The following DCC variants were observed in gnomAD, a reference collection of about 807,000 sequenced individuals.
DCC encodes the protein DCC netrin 1 receptor, also known as netrin receptor DCC.
A neutral mutation model predicts 172.5 loss-of-function variants in DCC; 58 were observed. The observed-to-expected ratio is 0.34, with a 90% CI of 0.27 to 0.42. DCC has a LOEUF of 0.42. Ranked by LOEUF, DCC falls within the 10% of genes least tolerant of loss-of-function variation. The probability of loss-of-function intolerance (pLI) is 1.00; values close to 1 mark genes in which losing one functional copy is unlikely to be tolerated. For missense variants in DCC, 1,740 were observed against 1,791.0 expected, an observed-to-expected ratio of 0.97 and a Z score of 0.51; for synonymous variants, 709 against 644.5, an observed-to-expected ratio of 1.10 and a Z score of -1.52.
At chr18:53,355,349 A>G (rs1599058415) in intron 15 of DCC, among the ~76,000 whole-genome samples, 1 of 152,098 alleles carries the variant, frequency 6.6e-6, no homozygotes, top group Admixed American at 6.5e-5. Flanking sequence ...CATTGAATCT[A>G]TAAATTACCT....
intron 12 of DCC, among the ~76,000 whole-genome samples, chr18:53,240,109 T>C (rs1177112096): frequency 6.6e-6 from 1 of 151,556 alleles, no homozygotes; most frequent in Non-Finnish European, 1.5e-5. Context: ...ATGCCTCTAC[T>C]GTTTTCCAGA....
chr18:52,643,277 C>T (rs2034947609), intron 1 of DCC, among the ~76,000 whole-genome samples: 1 of 147,156 alleles, frequency 6.8e-6, no homozygotes, highest in Non-Finnish European at 1.5e-5. Flanking sequence ...AGCTGTTGAC[C>T]TAGTTTCCAC....
chr18:53,413,238 G>A (rs1244218833), intron 20 of DCC, among the ~76,000 whole-genome samples: 1 of 152,138 alleles, frequency 6.6e-6, no homozygotes, highest in Non-Finnish European at 1.5e-5. Flanking sequence ...GCCCAATAGA[G>A]TACAGTAAAT....
At chr18:52,820,213 T>C (rs981788191) in intron 2 of DCC, among the ~76,000 whole-genome samples, 1 of 152,158 alleles carries the variant, frequency 6.6e-6, no homozygotes, top group African/African-American at 2.4e-5. Flanking sequence ...ACCAAGTATT[T>C]GTGGTGATTG....
At chr18:53,319,861 A>G (rs2057387620) in intron 13 of DCC, among the ~76,000 whole-genome samples, 1 of 90,768 alleles carries the variant, frequency 1.1e-5, no homozygotes, top group Admixed American at 9.0e-5. Context: ...TCAACTACAT[A>G]TGGACTTATT....
At chr18:52,528,781 T>C (rs2032057696) in intron 1 of DCC, among the ~76,000 whole-genome samples, 1 of 152,170 alleles carries the variant, frequency 6.6e-6, no homozygotes, top group Non-Finnish European at 1.5e-5. Context: ...TCATGGACTC[T>C]GCTTACTGCA....
At chr18:52,679,658 T>C (rs1448907452) in intron 1 of DCC, among the ~76,000 whole-genome samples, 1 of 152,166 alleles carries the variant, frequency 6.6e-6, no homozygotes, top group Non-Finnish European at 1.5e-5. Context: ...TATTATTGCA[T>C]GACAAAGTAC....
chr18:53,048,678 T>C (rs2042293552), intron 5 of DCC, among the ~76,000 whole-genome samples: 1 of 151,224 alleles, frequency 6.6e-6, no homozygotes, highest in African/African-American at 2.4e-5. Context: ...ATATATGATA[T>C]ATATATATAC....
intron 8 of DCC, among the ~76,000 whole-genome samples, chr18:53,159,669 A>G (rs918227317): frequency 4.6e-5 from 7 of 152,178 alleles, no homozygotes; most frequent in Non-Finnish European, 1.0e-4. Context: ...ATATCTGTCT[A>G]TCTGTATGCA....
chr18:52,639,316 C>T (rs1598977570), intron 1 of DCC, among the ~76,000 whole-genome samples: 1 of 151,908 alleles, frequency 6.6e-6, no homozygotes, highest in African/African-American at 2.4e-5. Flanking sequence ...AAGATCAGAG[C>T]AGATTTAAAT....
At chr18:52,355,819 G>A (rs1326847603) in intron 1 of DCC, among the ~76,000 whole-genome samples, 1 of 152,144 alleles carries the variant, frequency 6.6e-6, no homozygotes, top group African/African-American at 2.4e-5. Context: ...AGTTAGAGGA[G>A]AGAAACAGAA....
intron 12 of DCC, among the ~76,000 whole-genome samples, chr18:53,239,710 C>A (rs977621660): frequency 2.0e-5 from 3 of 151,966 alleles, no homozygotes; most frequent in African/African-American, 7.3e-5. Flanking sequence ...ATATTTGATC[C>A]CAGGAATCAG....
intron 12 of DCC, among the ~76,000 whole-genome samples, chr18:53,287,464 T>C (rs968426370): frequency 2.0e-5 from 3 of 152,220 alleles, no homozygotes; most frequent in African/African-American, 4.8e-5. Context: ...AATAAGTTTA[T>C]ATGTAGATAT....
chr18:53,502,633 C>T (rs1026957179), intron 27 of DCC, among the ~76,000 whole-genome samples: 8 of 152,048 alleles, frequency 5.3e-5, no homozygotes, highest in Non-Finnish European at 1.5e-5. Context: ...AAAAATACCT[C>T]AAATAATTTT....
chr18:53,173,109 T>C (rs771226191), intron 8 of DCC, among the ~76,000 whole-genome samples: 2 of 152,134 alleles, frequency 1.3e-5, no homozygotes, highest in Non-Finnish European at 2.9e-5. Flanking sequence ...AATTCTATTA[T>C]GAGGGTTTGC....
intron 1 of DCC, among the ~76,000 whole-genome samples, chr18:52,353,836 G>A (rs1476445359): frequency 1.3e-5 from 2 of 152,164 alleles, no homozygotes; most frequent in South Asian, 2.1e-4. Context: ...CTCATGAACT[G>A]TAGGCCCTTC....
rs1047755413 is a variant in DCC at position 53,523,326 on chromosome 18, T to C, written c.4112-3291T>C. On this transcript the variant is annotated intron_variant, in intron 27 of 28. Coordinates refer to ENST00000442544, the MANE Select transcript of DCC (RefSeq NM_005215.4). ...TTTACACTGTTGGTGGGAGTGTAAA[T>C]TAGTTCAGCCATTGTGGAAGACAAT... Among the ~76,000 whole-genome samples the C allele has an allele frequency of 7.6e-4, 116 of 152,156 alleles. 7 individuals are homozygous for C. The highest frequency in any genetic ancestry group is 4.4e-5 in the Non-Finnish European group (3 of 68,032).
chr18:52,709,629 G>A (rs962712802), intron 1 of DCC, among the ~76,000 whole-genome samples: 1 of 152,112 alleles, frequency 6.6e-6, no homozygotes, highest in Non-Finnish European at 1.5e-5. Context: ...TTCACAGAAT[G>A]TATGCTATTT....
At chr18:52,541,875 G>GTATATATATATATATATGTA (rs2032462379) in intron 1 of DCC, among the ~76,000 whole-genome samples, 1 of 115,202 alleles carries the variant, frequency 8.7e-6, no homozygotes, top group African/African-American at 3.3e-5. Flanking sequence ...GTGTGTGTGT[G>GTATATATATATATATATGTA]TATATATATA....
Sources: allele counts gnomAD v4.1 joint callset (sites outside exome capture counted in the v4.1 genomes callset), GRCh38; gene constraint gnomAD v4.1.1; transcripts MANE v1.5; gene names NCBI Gene and HGNC (gene_info 2026-07-23, HGNC 2026-07-21).